Variants in FRMD4A observed in about 807,000 individuals in gnomAD.
FRMD4A encodes the protein FERM domain-containing protein 4A.
Under a neutral mutation model 129.1 loss-of-function variants are expected in FRMD4A, and 29 were observed. That is an observed-to-expected ratio of 0.22 (90% confidence interval 0.17 to 0.31). The LOEUF (loss-of-function observed/expected upper bound fraction) is 0.31, where lower values mean the gene tolerates loss of function less well. Among genes scored for constraint, FRMD4A ranks in the 10% least tolerant of loss-of-function variants. The probability of loss-of-function intolerance (pLI) is 1.00; values close to 1 mark genes in which losing one functional copy is unlikely to be tolerated. For missense variants in FRMD4A, 1,272 were observed against 1,375.8 expected (o/e 0.92, Z 1.19); for synonymous variants, 634 against 571.6 (o/e 1.11, Z -1.56).
intron 3 of FRMD4A, among the ~76,000 whole-genome samples, chr10:13,824,210 T>G (rs11258650): frequency 0.16 from 24,078 of 150,728 alleles, 2,154 homozygotes; most frequent in East Asian, 0.33. Flanking sequence ...GGGTGCGGTG[T>G]CTCCCGCCTG....
At chr10:13,986,071 C>T (rs1183181618) in intron 2 of FRMD4A, among the ~76,000 whole-genome samples, 1 of 152,168 alleles carries the variant, frequency 6.6e-6, no homozygotes, top group Non-Finnish European at 1.5e-5. Context: ...TGACTGCAGG[C>T]TCCCTTCCAC....
At chr10:14,008,124 T>C in intron 2 of FRMD4A, 5 of 1,300,928 alleles carry the variant, frequency 3.8e-6, no homozygotes, top group Non-Finnish European at 5.1e-6. Context: ...TTGGGATCTA[T>C]TCGGAGCCAC....
At chr10:14,223,983 T>C (rs769495866) in intron 2 of FRMD4A, among the ~76,000 whole-genome samples, 8 of 152,152 alleles carry the variant, frequency 5.3e-5, no homozygotes, top group Non-Finnish European at 1.2e-4. Context: ...ATGGATCATC[T>C]GCATCGGGAG....
At chr10:14,041,905 T>C (rs1833792551) in intron 2 of FRMD4A, among the ~76,000 whole-genome samples, 4 of 152,142 alleles carry the variant, frequency 2.6e-5, no homozygotes, top group African/African-American at 9.7e-5. Flanking sequence ...GGGCTATGTT[T>C]GTGGAGGGAG....
intron 3 of FRMD4A, among the ~76,000 whole-genome samples, chr10:13,827,847 T>C (rs2093726566): frequency 6.6e-6 from 1 of 152,188 alleles, no homozygotes; most frequent in African/African-American, 2.4e-5. Flanking sequence ...GGGGCCCCTC[T>C]GCTCCTGCCT....
intron 12 of FRMD4A, among the ~76,000 whole-genome samples, chr10:13,734,921 T>C (rs1317024233): frequency 6.6e-6 from 1 of 152,060 alleles, no homozygotes; most frequent in Non-Finnish European, 1.5e-5. Context: ...TCACCCAGGC[T>C]GGAGCGCAGT....
At chr10:13,913,024 G>T (rs2094960046) in intron 2 of FRMD4A, among the ~76,000 whole-genome samples, 1 of 150,858 alleles carries the variant, frequency 6.6e-6, no homozygotes, top group Admixed American at 6.6e-5. Flanking sequence ...AGTGAGCTGA[G>T]GTCACACCAT....
At chr10:14,142,359 A>G (rs1346328004) in intron 2 of FRMD4A, among the ~76,000 whole-genome samples, 1 of 152,218 alleles carries the variant, frequency 6.6e-6, no homozygotes, top group Non-Finnish European at 1.5e-5. Context: ...AGGCAATTTA[A>G]GCAGAAAATT....
intron 3 of FRMD4A, among the ~76,000 whole-genome samples, chr10:13,820,136 G>A (rs1007792889): frequency 6.6e-6 from 1 of 152,182 alleles, no homozygotes; most frequent in African/African-American, 2.4e-5. Flanking sequence ...GAAGAGGTGG[G>A]GAAGCGATTG....
In FRMD4A at chr10:13,645,918, G is replaced by A. The variant is rs572879376; in HGVS notation, c.*1120C>T. ...CAAAAAAATAGGATACGCTTTTACT[G>A]GTTGGTTTAATGAGAGAGAACCACT... is the stretch of plus-strand genomic sequence containing the variant. On this transcript the variant is annotated 3_prime_UTR_variant, in exon 25 of 25. Transcript: ENST00000357447. The A allele has an allele frequency of 6.5e-6, 1 of 152,738 alleles. No homozygotes were observed. Among genetic ancestry groups the A allele is most frequent in the South Asian group, 2.1e-4 (1 of 4,828 alleles). The allele number at this position is 152,738 out of a possible 1,614,324, so 9.5% of individuals were successfully genotyped here. A position where few individuals can be genotyped will look rare whatever the true frequency, so the allele number is the denominator to read the frequency against.
intron 18 of FRMD4A, 129 bp from the exon 19 acceptor site, chr10:13,663,638 C>A: frequency 3.1e-6 from 2 of 647,660 alleles, no homozygotes; most frequent in South Asian, 3.7e-5. Flanking sequence ...CCACCAGATA[C>A]AATAAAAATG....
intron 2 of FRMD4A, among the ~76,000 whole-genome samples, chr10:14,328,341 AC>A (rs2132130330): frequency 8.3e-6 from 1 of 120,938 alleles, no homozygotes; most frequent in African/African-American, 3.5e-5. Context: ...AAGACCCAGG[AC>A]CAGAAGAGCC....
intron 2 of FRMD4A, among the ~76,000 whole-genome samples, chr10:13,930,472 T>C (rs1392140902): frequency 6.6e-6 from 1 of 152,230 alleles, no homozygotes; most frequent in African/African-American, 2.4e-5. Context: ...ACCTCAGCTC[T>C]GCAGACCCAT....
At chr10:14,278,798 G>A (rs1412122940) in intron 2 of FRMD4A, among the ~76,000 whole-genome samples, 1 of 152,158 alleles carries the variant, frequency 6.6e-6, no homozygotes, top group Non-Finnish European at 1.5e-5. Flanking sequence ...CTTCCTGTCT[G>A]ACAAATGTTA....
rs1228722548 is a variant in FRMD4A at position 13,800,773 on chromosome 10, ATTC to A, written c.207-4188_207-4186del. Among the ~76,000 whole-genome samples the A allele has an allele frequency of 7.2e-5, 11 of 152,308 alleles. No homozygotes were observed. The East Asian group carries it at 2.1e-3, about 29-fold the overall frequency. Reference sequence around the variant, plus strand: ...AGTCTGTTGGGTTTACGCACTGCCAATTCTTCTTCATCCACAGAGGACAAACAG... The same window carrying A: ...AGTCTGTTGGGTTTACGCACTGCCAATTCTTCATCCACAGAGGACAAACAG... On this transcript the variant is annotated intron_variant, in intron 4 of 24. Coordinates refer to ENST00000357447, the MANE Select transcript of FRMD4A (RefSeq NM_018027.5).
At chr10:13,859,384 C>CA (rs1225771351) in intron 2 of FRMD4A, among the ~76,000 whole-genome samples, 10 of 151,814 alleles carry the variant, frequency 6.6e-5, no homozygotes, top group Non-Finnish European at 1.2e-4. Flanking sequence ...AACTCCCTTT[C>CA]AAAAAAAAGA....
chr10:13,727,842 A>C (rs12572591), intron 12 of FRMD4A: 1 of 152,160 alleles, frequency 6.6e-6, no homozygotes, highest in Non-Finnish European at 1.5e-5. Flanking sequence ...GTCTGATTTC[A>C]GAAGCTAAGC....
At chr10:13,923,846 G>C (rs147593548) in intron 2 of FRMD4A, among the ~76,000 whole-genome samples, 90 of 152,308 alleles carry the variant, frequency 5.9e-4, no homozygotes, top group African/African-American at 2.1e-3. Context: ...GCCCTGGGGA[G>C]GAATGGAGAG....
intron 2 of FRMD4A, among the ~76,000 whole-genome samples, chr10:14,063,997 C>G (rs1180445672): frequency 1.3e-5 from 2 of 152,160 alleles, no homozygotes; most frequent in Non-Finnish European, 2.9e-5. Context: ...TTATGTCAAC[C>G]AGGGATTTGA....
Sources: gnomAD v4.1 joint callset for allele counts (sites outside exome capture counted in the v4.1 genomes callset) on GRCh38, gnomAD v4.1.1 for gene constraint, MANE v1.5 for transcripts, NCBI Gene and HGNC (gene_info 2026-07-23, HGNC 2026-07-21) for gene names.